The following CCDC61 variants were observed in gnomAD, a reference collection of about 807,000 sequenced individuals.
CCDC61 encodes coiled-coil domain containing 61.
CCDC61 carries 55 observed loss-of-function variants against 63.0 expected under a neutral mutation model. The observed-to-expected ratio is 0.87, with a 90% confidence interval of 0.70 to 1.09. The LOEUF (loss-of-function observed/expected upper bound fraction) is 1.09, where lower values mean the gene tolerates loss of function less well. Ranked by LOEUF, CCDC61 falls within the 50% of genes least tolerant of loss-of-function variation. CCDC61 has a pLI of 0.00. For synonymous variants in CCDC61, 270 were observed against 317.0 expected (o/e 0.85, Z 1.58); for missense variants, 651 against 731.4 (o/e 0.89, Z 1.27).
Position 46,016,487 on chromosome 19 carries a change from C to A in CCDC61, c.1091+94C>A. 6.8e-7 allele frequency: 1 copy of A among 1,471,306 alleles called. No homozygotes were observed. The allele number at this position is 1,471,306 out of a possible 1,614,324, so 91.1% of individuals were successfully genotyped here. ...CCACGCCACCATCAGTCTCCATCCC[C>A]TGCCACCTGCTCGCTTCTCGCCGGA... is the stretch of plus-strand genomic sequence containing the variant. On this transcript the variant is annotated intron_variant, in intron 9 of 13. Coordinates refer to ENST00000595358, the MANE Select transcript of CCDC61 (RefSeq NM_001267723.2). The surrounding 1 kb of genome is among the most constrained non-coding windows in gnomAD (Gnocchi z 7.2).
intron 5 of CCDC61, among the ~76,000 whole-genome samples, chr19:46,013,092 A>G (rs1181923710): frequency 1.3e-5 from 2 of 151,882 alleles, no homozygotes; most frequent in Non-Finnish European, 2.9e-5. Context: ...GCTCACTGCA[A>G]TCTCTGCCTT....
intron 1 of CCDC61, among the ~76,000 whole-genome samples, chr19:45,995,875 A>T (rs10422757): frequency 6.6e-6 from 1 of 152,102 alleles, no homozygotes; most frequent in African/African-American, 2.4e-5. Flanking sequence ...TTTGGGTGAA[A>T]GTCGTGGGAA....
chr19:46,003,523 T>A, intron 3 of CCDC61, 22 bp downstream of exon 3: 1 of 1,014,996 alleles, frequency 9.9e-7, no homozygotes, highest in Non-Finnish European at 1.4e-6. Flanking sequence ...GTTGGCGGGT[T>A]GGGGTGGGAG....
Position 46,006,701 on chromosome 19 carries a change from C to T in CCDC61, c.374C>T (p.Ser125Phe). 1 of 1,607,544 alleles carries T rather than the reference C, an allele frequency of 6.2e-7. No homozygotes were observed. The highest frequency in any genetic ancestry group is 1.1e-5 in the South Asian group (1 of 90,770). Residue 125 changes from serine (S) to phenylalanine (F), a missense_variant, in exon 4 of 14, where the codon TCC becomes TTC. By Grantham distance (155) the Ser-to-Phe change is radical. Transcript: ENST00000595358. ...AAGCGCTACCTGATCCTCATCTACT[C>T]CGTGGAGTTTGACAGGTGGGGAGAA... ...NSKRYLILIY[S>F]VEFDRIHYPL...
chr19:46,003,555 C>A, intron 3 of CCDC61, 54 bp downstream of exon 3: 1 of 1,328,680 alleles, frequency 7.5e-7, no homozygotes, highest in Non-Finnish European at 1.1e-6. Flanking sequence ...CTTCCAGGTT[C>A]CAGGGGGGTT....
intron 3 of CCDC61, among the ~76,000 whole-genome samples, chr19:46,004,982 G>GT (rs531883720): frequency 7.3e-5 from 11 of 151,402 alleles, no homozygotes; most frequent in African/African-American, 2.7e-4. Context: ...GGGACTACAG[G>GT]CCTGCCCACC....
chr19:45,999,001 A>AGAC (rs1344917074), intron 1 of CCDC61, among the ~76,000 whole-genome samples: 5 of 152,176 alleles, frequency 3.3e-5, no homozygotes, highest in African/African-American at 4.8e-5. Context: ...AGGGGAAGGA[A>AGAC]GACGAATGTT....
chr19:46,017,367 C>T, intron 12 of CCDC61, 63 bp downstream of exon 12: 1 of 1,450,676 alleles, frequency 6.9e-7, no homozygotes, highest in Non-Finnish European at 9.4e-7. Flanking sequence ...GTGATTCCTT[C>T]CTGGGGATCA....
intron 5 of CCDC61, 34 bp downstream of exon 5, chr19:46,008,335 T>TGGGCGGGGGGGGGGGGG: frequency 2.0e-6 from 1 of 499,170 alleles, no homozygotes. Flanking sequence ...CTGGGGCGGG[T>TGGGCGGGGGGGGGGGGG]GGGGGCCCTC....
chr19:46,006,635 G>A lies in CCDC61; in HGVS notation c.308G>A (p.Arg103His), dbSNP rs370699060. 38 of 1,613,600 alleles carry A rather than the reference G, an allele frequency of 2.4e-5. No individual in the cohort carries two copies. The highest frequency in any genetic ancestry group is 1.6e-4 in the Middle Eastern group (1 of 6,082). Residue 103 changes from arginine (R) to histidine (H), a missense_variant, in exon 4 of 14, where the codon CGC becomes CAC. By Grantham distance (29) the Arg-to-His change is conservative. Transcript: ENST00000595358. ...CTGCGGAACCGCAAGATGGGGGGCC[G>A]CCCAGGCTCCTTGGCCCCCAGGTCG... ...ESLRNRKMGG[R>H]PGSLAPRSAQ...
intron 1 of CCDC61, among the ~76,000 whole-genome samples, chr19:45,998,237 C>T (rs987603284): frequency 3.3e-5 from 5 of 152,158 alleles, no homozygotes; most frequent in African/African-American, 9.7e-5. Flanking sequence ...CAGATTGTGG[C>T]GCCCAAGGGC....
At chr19:46,005,682 A>T (rs1180566844) in intron 3 of CCDC61, among the ~76,000 whole-genome samples, 1 of 152,026 alleles carries the variant, frequency 6.6e-6, no homozygotes, top group Non-Finnish European at 1.5e-5. Flanking sequence ...TATTGGCAAG[A>T]CATCCTGTTA....
intron 1 of CCDC61, 124 bp downstream of exon 1, chr19:45,995,628 G>C (rs1459917961): frequency 2.7e-6 from 1 of 365,284 alleles, no homozygotes; most frequent in Non-Finnish European, 5.5e-6. Context: ...TAGGAATCGG[G>C]AGGGAGGGTG....
chr19:46,016,184 G>A lies in CCDC61; in HGVS notation c.976G>A (p.Gly326Ser), dbSNP rs2146487979. Residue 326 changes from glycine to serine, a missense_variant, in exon 8 of 14, where the codon GGT becomes AGT. Transcript: ENST00000595358. The surrounding 1 kb of genome is among the most constrained non-coding windows in gnomAD (Gnocchi z 7.2). ...CCGGGAGAGCGGCCGCGGGAGCCGG[G>A]GTCGGGGCCGCCCTGCGCGCCCCTC... ...SSRESGRGSR[G>S]RGRPARPSPS... 5 of 1,323,004 alleles carry A rather than the reference G, an allele frequency of 3.8e-6. No homozygotes were observed. Among genetic ancestry groups the A allele is most frequent in the Middle Eastern group, 2.8e-4 (1 of 3,562 alleles). 82.0% of individuals were successfully genotyped at this position (1,323,004 alleles called of 1,614,324 possible). A position where few individuals can be genotyped will look rare whatever the true frequency, so the allele number is the denominator to read the frequency against.
chr19:46,012,838 T>A (rs927252528), intron 5 of CCDC61, among the ~76,000 whole-genome samples: 1 of 145,104 alleles, frequency 6.9e-6, no homozygotes, highest in African/African-American at 2.5e-5. Context: ...TATCTCTTTT[T>A]GCACTTAATT....
Position 46,018,299 on chromosome 19 carries a change from C to A in CCDC61, c.1451C>A (p.Ser484Ter). ...ACACCTGCTCTCACAGAGTACAGCT[C>A]GGAGCACCAGGCGGCTGACATGGCC... is the stretch of plus-strand genomic sequence containing the variant. ...GGWVPIKEYS[S>*]EHQAADMAEI... The change falls in exon 14 of 14, where the codon TCG (serine) becomes TAG (stop). Residue 484 changes from serine to a stop codon, truncating the protein, a stop_gained. Coordinates refer to ENST00000595358, the MANE Select transcript of CCDC61 (RefSeq NM_001267723.2). LOFTEE classifies it high-confidence loss of function. The surrounding 1 kb of genome is among the most constrained non-coding windows in gnomAD (Gnocchi z 4.2). 1 of 1,567,834 alleles carries A rather than the reference C, an allele frequency of 6.4e-7. No individual in the cohort carries two copies. Among genetic ancestry groups the A allele is most frequent in the Non-Finnish European group, 8.6e-7 (1 of 1,156,698 alleles).
chr19:46,011,209 C>T (rs1401989631), intron 5 of CCDC61, among the ~76,000 whole-genome samples: 1 of 152,138 alleles, frequency 6.6e-6, no homozygotes, highest in East Asian at 1.9e-4. Flanking sequence ...CCATCATGCC[C>T]AGCTAATTTT....
intron 5 of CCDC61, among the ~76,000 whole-genome samples, chr19:46,009,959 G>A (rs1472611921): frequency 1.3e-5 from 2 of 152,190 alleles, no homozygotes; most frequent in African/African-American, 4.8e-5. Flanking sequence ...AACCACAGGA[G>A]CCTTGAGATC....
In CCDC61 at chr19:46,006,718, T is replaced by G. The variant is rs1173333936; in HGVS notation, c.389+2T>G. On this transcript the variant is annotated splice_donor_variant, in intron 4 of 13. Coordinates refer to ENST00000595358, the MANE Select transcript of CCDC61 (RefSeq NM_001267723.2). LOFTEE classifies it high-confidence loss of function. ...CATCTACTCCGTGGAGTTTGACAGGTGGGGAGAAGGGTCTGGCTCCAGGGC... is the reference window on the plus strand; with the variant it reads ...CATCTACTCCGTGGAGTTTGACAGGGGGGGAGAAGGGTCTGGCTCCAGGGC... 1 of 1,600,570 alleles carries G rather than the reference T, an allele frequency of 6.2e-7. No homozygotes were observed. The highest frequency in any genetic ancestry group is 8.5e-7 in the Non-Finnish European group (1 of 1,170,086).
Sources: gnomAD v4.1 joint callset for allele counts (sites outside exome capture counted in the v4.1 genomes callset) on GRCh38, gnomAD v4.1.1 for gene constraint, Gnocchi (gnomAD v3.1) non-coding constraint, MANE v1.5 for transcripts, NCBI Gene and HGNC (gene_info 2026-07-23, HGNC 2026-07-21) for gene names.